RPS12: variants seen among roughly 807,000 people sequenced by gnomAD.
RPS12 encodes small ribosomal subunit protein eS12.
A neutral mutation model predicts 17.2 loss-of-function variants in RPS12; 1 was observed. The observed-to-expected ratio is 0.06, with a 90% CI of 0.02 to 0.28. The LOEUF is 0.28. Ranked by LOEUF, RPS12 falls within the 10% of genes least tolerant of loss-of-function variation. The probability of loss-of-function intolerance (pLI) is 1.00; values close to 1 mark genes in which losing one functional copy is unlikely to be tolerated. For synonymous variants in RPS12, 67 were observed against 54.0 expected, an observed-to-expected ratio of 1.24 and a Z score of -1.06; for missense variants, 146 against 162.1, an observed-to-expected ratio of 0.90 and a Z score of 0.54.
In RPS12 at chr6:132,815,108, T is replaced by C. The variant is rs774934989; in HGVS notation, c.131+20T>C. 1 of 1,475,004 alleles carries C rather than the reference T, an allele frequency of 6.8e-7. No homozygotes were observed. Among genetic ancestry groups the C allele is most frequent in the Admixed American group, 1.7e-5 (1 of 58,854 alleles). 91.4% of individuals were successfully genotyped at this position (1,475,004 alleles called of 1,614,324 possible). On this transcript the variant is annotated intron_variant, in intron 3 of 5. Transcript: ENST00000230050. ...AGACAAGTACGTGTATCAGTCTCAA[T>C]ACTGTGGGTTCTTGCAACCGGAACA...
chr6:132,814,663 C>T (rs990969926), intron 1 of RPS12, 50 bp downstream of exon 1: 3 of 1,297,516 alleles, frequency 2.3e-6, no homozygotes, highest in Non-Finnish European at 3.3e-6. Context: ...ATTTGTGGCT[C>T]GTTGCGTTCT....
rs114497802 is a variant in RPS12, at chr6:132,815,336, C to T, written c.131+248C>T. Reference sequence around the variant, plus strand: ...GAATGATGACTTTAATTGTCGGATACCCCTTCACTCCTTTTATGAGTGAAA... The same window carrying T: ...GAATGATGACTTTAATTGTCGGATATCCCTTCACTCCTTTTATGAGTGAAA... On this transcript the variant is annotated intron_variant, in intron 3 of 5. Transcript: ENST00000230050. The T allele has an allele frequency of 7.8e-4, 524 of 672,896 alleles. 1 individual carries two copies. Among genetic ancestry groups the T allele is most frequent in the African/African-American group, 7.1e-3 (404 of 57,138 alleles). The allele number at this position is 672,896 out of a possible 1,614,324, so 41.7% of individuals were successfully genotyped here.
At position 132,815,729 on chromosome 6, in the gene RPS12, ATTG is replaced by A. The variant is rs779315960; in HGVS notation, c.131+644_131+646del. 6.6e-5 allele frequency: 30 copies of A among 456,488 alleles called. No homozygotes were observed. The East Asian group carries it at 1.5e-3, about 22-fold the overall frequency. 28.3% of individuals were successfully genotyped at this position (456,488 alleles called of 1,614,324 possible). A position where few individuals can be genotyped will look rare whatever the true frequency, so the allele number is the denominator to read the frequency against. ...AGTTCAATCCGATGGAAACGGCATT[ATTG>A]TTTAATGTATTTAGTAGGTCCTAGT... On this transcript the variant is annotated intron_variant, in intron 3 of 5. Coordinates refer to ENST00000230050, the MANE Select transcript of RPS12 (RefSeq NM_001016.4).
At chr6:132,815,347 C>T (rs1462326467) in intron 3 of RPS12, 2 of 649,810 alleles carry the variant, frequency 3.1e-6, no homozygotes, top group African/African-American at 1.8e-5. Context: ...CCCTTCACTC[C>T]TTTTATGAGT....
intron 2 of RPS12, 79 bp downstream of exon 2, chr6:132,814,861 G>A (rs1410621115): frequency 6.9e-7 from 1 of 1,455,234 alleles, no homozygotes; most frequent in Non-Finnish European, 9.6e-7. Context: ...AACAGGACTG[G>A]GTCAAACGGG....
At chr6:132,815,708 C>G (rs1782035187) in intron 3 of RPS12, 1 of 456,508 alleles carries the variant, frequency 2.2e-6, no homozygotes, top group East Asian at 6.9e-5. Context: ...CTAGCCAGTT[C>G]AATCCGATGG....
chr6:132,816,376 G>C, intron 3 of RPS12, 85 bp from the exon 4 acceptor site: 2 of 981,548 alleles, frequency 2.0e-6, no homozygotes, highest in Non-Finnish European at 3.2e-6. Flanking sequence ...GCAAGTGTTA[G>C]TGCAAAGATA....
chr6:132,816,166 C>G (rs974026933), intron 3 of RPS12: 1 of 479,032 alleles, frequency 2.1e-6, no homozygotes, highest in East Asian at 3.9e-5. Flanking sequence ...ATGAAGCTGG[C>G]TTACAAGAAA....
At chr6:132,815,454 T>G in intron 3 of RPS12, 1 of 471,940 alleles carries the variant, frequency 2.1e-6, no homozygotes, top group Non-Finnish European at 4.2e-6. Flanking sequence ...TTACATCTGG[T>G]AGTTTGCAAA....
At chr6:132,816,659 G>C in intron 4 of RPS12, 96 bp downstream of exon 4, 1 of 891,388 alleles carries the variant, frequency 1.1e-6, no homozygotes, top group South Asian at 1.3e-5. Context: ...TTTTGTGCAG[G>C]TGTAAACATT....
At chr6:132,817,242 C>T (rs762933163) in intron 5 of RPS12, 181 bp downstream of exon 5, 2 of 772,584 alleles carry the variant, frequency 2.6e-6, no homozygotes, top group Non-Finnish European at 4.7e-6. Flanking sequence ...AATCTGCTTA[C>T]CTGATTGTGT....
At chr6:132,817,116 C>T (rs1482219072) in intron 5 of RPS12, 55 bp downstream of exon 5, 4 of 1,070,198 alleles carry the variant, frequency 3.7e-6, no homozygotes, top group African/African-American at 3.1e-5. Context: ...CATATAAAAC[C>T]TTGTATTGAA....
rs201801635 is a variant in RPS12 at position 132,814,734 on chromosome 6, C to T, written c.-35C>T. On this transcript the variant is annotated splice_region_variant and 5_prime_UTR_variant, in exon 2 of 6. Transcript: ENST00000230050. ...AAGTCAATGCTTTTGTTTTTTAGTGCGTTCAAGATTCAACTTCACCCGTAA... is the reference window on the plus strand; with the variant it reads ...AAGTCAATGCTTTTGTTTTTTAGTGTGTTCAAGATTCAACTTCACCCGTAA... 6.2e-5 allele frequency: 100 copies of T among 1,610,872 alleles called. 3 individuals are homozygous for T. In the South Asian group the frequency reaches 8.7e-4, roughly 14 times the overall value.
Position 132,816,568 on chromosome 6 carries a change from G to A in RPS12, c.234+5G>A. The A allele has an allele frequency of 6.3e-7, 1 of 1,577,168 alleles. No individual in the cohort carries two copies. The highest frequency in any genetic ancestry group is 8.6e-7 in the Non-Finnish European group (1 of 1,158,746). ...CACCAAATCAACCTAATTAAGGTAA[G>A]GCTGCTAAGGATTGTGTTGGGACTA... is the stretch of plus-strand genomic sequence containing the variant. On this transcript the variant is annotated splice_donor_5th_base_variant and intron_variant, in intron 4 of 5. Coordinates refer to ENST00000230050, the MANE Select transcript of RPS12 (RefSeq NM_001016.4).
Position 132,817,427 on chromosome 6 carries a change from T to G in RPS12, c.337-53T>G, listed in dbSNP as rs976430892. The G allele has an allele frequency of 4.2e-6, 5 of 1,177,800 alleles. No homozygotes were observed. The Admixed American group carries it at 6.9e-5, about 16-fold the overall frequency. 73.0% of individuals were successfully genotyped at this position (1,177,800 alleles called of 1,614,324 possible). A position where few individuals can be genotyped will look rare whatever the true frequency, so the allele number is the denominator to read the frequency against. On this transcript the variant is annotated intron_variant, in intron 5 of 5. Transcript: ENST00000230050. Reference sequence around the variant, plus strand: ...ACTATAATTGATACTAATAGCTTGGTGAAATTCCTAAATATTAACAAGAAA... The same window carrying G: ...ACTATAATTGATACTAATAGCTTGGGGAAATTCCTAAATATTAACAAGAAA...
chr6:132,816,719 C>T (rs1272779978), intron 4 of RPS12, 156 bp downstream of exon 4: 1 of 768,336 alleles, frequency 1.3e-6, no homozygotes, highest in Non-Finnish European at 2.4e-6. Context: ...TAGGTAGAAG[C>T]ATTTTATACC....
intron 5 of RPS12, 200 bp from the exon 6 acceptor site, chr6:132,817,280 A>T: frequency 1.3e-6 from 1 of 772,526 alleles, no homozygotes; most frequent in Non-Finnish European, 2.4e-6. Context: ...AAAAACTGGC[A>T]ATAGTAAAGC....
At chr6:132,815,712 C>T (rs1177715024) in intron 3 of RPS12, 1 of 456,536 alleles carries the variant, frequency 2.2e-6, no homozygotes, top group Admixed American at 2.3e-5. Flanking sequence ...CCAGTTCAAT[C>T]CGATGGAAAC....
chr6:132,815,323 T>C (rs1162651726), intron 3 of RPS12: 1 of 702,216 alleles, frequency 1.4e-6, no homozygotes. Context: ...ATGATGACTT[T>C]AATTGTCGGA....
Sources: gnomAD v4.1 joint callset for allele counts on GRCh38, gnomAD v4.1.1 for gene constraint, MANE v1.5 for transcripts, NCBI Gene and HGNC (gene_info 2026-07-23, HGNC 2026-07-21) for gene names.